JMJD7: variants seen among roughly 807,000 people sequenced by gnomAD.
JMJD7 encodes bifunctional peptidase and (3S)-lysyl hydroxylase JMJD7.
A neutral mutation model predicts 41.1 loss-of-function variants in JMJD7; 41 were observed. The ratio of observed to expected loss-of-function variants is 1.00; its 90% CI spans 0.78 to 1.30. The LOEUF (loss-of-function observed/expected upper bound fraction) is 1.30. Among genes scored for constraint, JMJD7 ranks in the 50% most tolerant of loss-of-function variants. The pLI, the probability that JMJD7 is intolerant of heterozygous loss-of-function variation, is 0.00. For synonymous variants in JMJD7, 202 were observed against 177.2 expected (o/e 1.14, Z -1.11); for missense variants, 480 against 420.7 (o/e 1.14, Z -1.23).
At chr15:41,835,372 G>T in intron 3 of JMJD7, 149 bp downstream of exon 3, 3 of 1,356,616 alleles carry the variant, frequency 2.2e-6, no homozygotes, top group Non-Finnish European at 2.9e-6. Context: ...CCCAGGCCTT[G>T]ACTTAATCAT....
chr15:41,836,276 G>T (rs1376267397), intron 5 of JMJD7, 33 bp downstream of exon 5: 1 of 1,610,882 alleles, frequency 6.2e-7, no homozygotes, highest in Non-Finnish European at 8.5e-7. Context: ...AGGGGCTGGG[G>T]AACAGCTGGC....
At position 41,837,543 on chromosome 15, in the gene JMJD7, G is replaced by C. The variant is rs1007614170; in HGVS notation, c.*387G>C. The C allele has an allele frequency of 8.9e-6, 2 of 224,884 alleles. No individual in the cohort carries two copies. The highest frequency in any genetic ancestry group is 4.6e-5 in the African/African-American group (2 of 43,640). 13.9% of individuals were successfully genotyped at this position (224,884 alleles called of 1,614,324 possible). A position where few individuals can be genotyped will look rare whatever the true frequency, so the allele number is the denominator to read the frequency against. On this transcript the variant is annotated 3_prime_UTR_variant, in exon 8 of 8. Transcript: ENST00000397299. Reference sequence around the variant, plus strand: ...TGATGTCTATGAGGACCAGCATGGAGCTGGCACACAGGACATGTTGAATAA... The same window carrying C: ...TGATGTCTATGAGGACCAGCATGGACCTGGCACACAGGACATGTTGAATAA...
At chr15:41,834,380 T>C (rs1334731579) in intron 1 of JMJD7, among the ~76,000 whole-genome samples, 1 of 152,208 alleles carries the variant, frequency 6.6e-6, no homozygotes, top group African/African-American at 2.4e-5. Context: ...ATTCTGGAGC[T>C]CCCAATGCCA....
chr15:41,830,685 C>T (rs906127756), intron 1 of JMJD7, among the ~76,000 whole-genome samples: 4 of 152,222 alleles, frequency 2.6e-5, no homozygotes, highest in South Asian at 2.1e-4. Flanking sequence ...CCAGGAAGGC[C>T]CCTTCCTGCT....
intron 5 of JMJD7, 29 bp downstream of exon 5, chr15:41,836,272 T>TGG: frequency 6.2e-7 from 1 of 1,611,466 alleles, no homozygotes; most frequent in Non-Finnish European, 8.5e-7. Flanking sequence ...AGGGAGGGGC[T>TGG]GGGGAACAGC....
At chr15:41,834,045 C>G (rs996247238) in intron 1 of JMJD7, among the ~76,000 whole-genome samples, 1 of 152,154 alleles carries the variant, frequency 6.6e-6, no homozygotes, top group East Asian at 1.9e-4. Context: ...CTGTAGACCC[C>G]TGCGCAGGCG....
Position 41,836,511 on chromosome 15 carries a change from A to G in JMJD7, c.662A>G (p.Glu221Gly), listed in dbSNP as rs1211195220. ...YTPATYQLTE[E>G]GTFKVVDEEA... ...CCGGCAACCTACCAGCTAACTGAAG[A>G]GGGCACCTTTAAGGTGGTGGATGAA... The change falls in exon 6 of 8, where the codon GAG (glutamate) becomes GGG (glycine). Residue 221 changes from glutamate (E) to glycine (G), a missense_variant. Coordinates refer to ENST00000397299, the MANE Select transcript of JMJD7 (RefSeq NM_001114632.2). 3 of 1,593,354 alleles carry G rather than the reference A, an allele frequency of 1.9e-6. No individual in the cohort carries two copies. In the South Asian group the frequency reaches 3.4e-5, roughly 18 times the overall value.
rs200624748 is a variant in JMJD7 at position 41,834,913 on chromosome 15, C to G, written c.218+20C>G. The G allele has an allele frequency of 2.2e-5, 36 of 1,613,270 alleles. No homozygotes were observed. In the African/African-American group the frequency reaches 4.5e-4, roughly 20 times the overall value. On this transcript the variant is annotated intron_variant, in intron 2 of 7. Transcript: ENST00000397299. Reference sequence around the variant, plus strand: ...TTTCAGGTGGGAGCTGCCCTGGGGTCAGGTGTGAGCAGTGATTACTGGCAT... The same window carrying G: ...TTTCAGGTGGGAGCTGCCCTGGGGTGAGGTGTGAGCAGTGATTACTGGCAT...
intron 1 of JMJD7, among the ~76,000 whole-genome samples, chr15:41,831,898 C>G (rs990186435): frequency 6.6e-6 from 1 of 152,208 alleles, no homozygotes; most frequent in Non-Finnish European, 1.5e-5. Flanking sequence ...AACCATGCGT[C>G]TTGCTCGCCA....
intron 1 of JMJD7, among the ~76,000 whole-genome samples, chr15:41,831,055 A>G (rs8032789): frequency 3.7e-4 from 56 of 152,240 alleles, no homozygotes; most frequent in African/African-American, 1.3e-3. Flanking sequence ...TGCCGGTTCC[A>G]TGGACCGGAA....
intron 1 of JMJD7, 43 bp downstream of exon 1, chr15:41,828,231 G>C: frequency 6.7e-7 from 1 of 1,486,670 alleles, no homozygotes; most frequent in Non-Finnish European, 8.8e-7. Context: ...CCGAACACGG[G>C]AGGGGCCCTG....
In JMJD7 at chr15:41,828,128, G is replaced by C. The variant is rs775763162; in HGVS notation, c.4G>C (p.Ala2Pro). The C allele has an allele frequency of 5.5e-6, 8 of 1,464,386 alleles. No homozygotes were observed. Among genetic ancestry groups the C allele is most frequent in the Non-Finnish European group, 7.2e-6 (8 of 1,111,700 alleles). The allele number at this position is 1,464,386 out of a possible 1,614,324, so 90.7% of individuals were successfully genotyped here. A position where few individuals can be genotyped will look rare whatever the true frequency, so the allele number is the denominator to read the frequency against. The change falls in exon 1 of 8, where the codon GCG becomes CCG. Residue 2 changes from alanine to proline, a missense_variant. Physicochemically the swap from Ala to Pro is conservative, Grantham distance 27. Transcript: ENST00000397299. M[A>P]EAALEAVRSE... ...CTCGGCCGGCGCTGACGCAGCCATG[G>C]CGGAGGCGGCTTTGGAAGCCGTGCG...
chr15:41,831,711 C>T (rs994970987), intron 1 of JMJD7, among the ~76,000 whole-genome samples: 3 of 152,148 alleles, frequency 2.0e-5, no homozygotes, highest in African/African-American at 4.8e-5. Context: ...ACCCTGGCTG[C>T]GGAGAGGAGC....
chr15:41,833,430 T>TTTTTTTTTTTTA (rs1567164884), intron 1 of JMJD7, among the ~76,000 whole-genome samples: 3 of 101,832 alleles, frequency 2.9e-5, no homozygotes, highest in African/African-American at 8.9e-5. Flanking sequence ...TTTTTTTTTT[T>TTTTTTTTTTTTA]TTTTTTTTGA....
rs751534836 is a variant in JMJD7 at position 41,828,124 on chromosome 15, C to CATGG, written c.1_4dup (p.Ala2AspfsTer104). 1.6e-5 allele frequency: 23 copies of CATGG among 1,459,452 alleles called. 1 individual carries two copies. The South Asian group carries it at 3.2e-4, about 20-fold the overall frequency. The allele number at this position is 1,459,452 out of a possible 1,614,324, so 90.4% of individuals were successfully genotyped here. ...GGGTCTCGGCCGGCGCTGACGCAGC[C>CATGG]ATGGCGGAGGCGGCTTTGGAAGCCG... On this transcript the variant is annotated 5_prime_UTR_variant, in exon 1 of 8. It adds an upstream start codon to the 5' untranslated region. Coordinates refer to ENST00000397299, the MANE Select transcript of JMJD7 (RefSeq NM_001114632.2).
chr15:41,837,418 G>C lies in JMJD7; in HGVS notation c.*262G>C, dbSNP rs78871281. 2,359 of 530,282 alleles carry C rather than the reference G, an allele frequency of 4.4e-3. 37 individuals carry two copies. Among genetic ancestry groups the C allele is most frequent in the African/African-American group, 0.042 (2,193 of 52,436 alleles). The allele number at this position is 530,282 out of a possible 1,614,324, so 32.8% of individuals were successfully genotyped here. Reference sequence around the variant, plus strand: ...AGGTGCAGCGGCACCTCTCCCCAGCGCTGTGATGTTGGGCGAGTCACTGCG... The same window carrying C: ...AGGTGCAGCGGCACCTCTCCCCAGCCCTGTGATGTTGGGCGAGTCACTGCG... On this transcript the variant is annotated 3_prime_UTR_variant, in exon 8 of 8. Transcript: ENST00000397299.
chr15:41,836,613 A>G (rs993269028), intron 6 of JMJD7, 62 bp downstream of exon 6: 4 of 1,487,336 alleles, frequency 2.7e-6, no homozygotes, highest in Non-Finnish European at 3.6e-6. Flanking sequence ...TCTGAAGAAC[A>G]GGCACAAAAG....
At chr15:41,833,478 T>G (rs1165245643) in intron 1 of JMJD7, among the ~76,000 whole-genome samples, 3 of 140,580 alleles carry the variant, frequency 2.1e-5, no homozygotes, top group Non-Finnish European at 4.5e-5. Flanking sequence ...TGGAGTGCAG[T>G]GGCACGATGA....
chr15:41,837,130 C>G lies in JMJD7; in HGVS notation c.925C>G (p.Leu309Val). 6.2e-7 allele frequency: 1 copy of G among 1,612,908 alleles called. No homozygotes were observed. Among genetic ancestry groups the G allele is most frequent in the South Asian group, 1.1e-5 (1 of 90,870 alleles). Residue 309 changes from leucine (L) to valine (V), a missense_variant, in exon 8 of 8, where the codon CTC becomes GTC. By Grantham distance (32) the Leu-to-Val change is conservative. Coordinates refer to ENST00000397299, the MANE Select transcript of JMJD7 (RefSeq NM_001114632.2). ...KYSYFQLLDS[L>V]TKASGLD Reference sequence around the variant, plus strand: ...TAGTTACTTCCAGCTGCTCGACTCCCTCACCAAGGCTTCAGGCCTTGACTG... The same window carrying G: ...TAGTTACTTCCAGCTGCTCGACTCCGTCACCAAGGCTTCAGGCCTTGACTG...
Sources: gnomAD v4.1 joint callset for allele counts (sites outside exome capture counted in the v4.1 genomes callset) on GRCh38, gnomAD v4.1.1 for gene constraint, MANE v1.5 for transcripts, NCBI Gene and HGNC (gene_info 2026-07-23, HGNC 2026-07-21) for gene names.